The following LSAMP variants were observed in gnomAD, a reference collection of about 807,000 sequenced individuals.
LSAMP encodes limbic system-associated membrane protein.
A neutral mutation model predicts 38.6 loss-of-function variants in LSAMP; 7 were observed. The observed-to-expected ratio is 0.18, with a 90% CI of 0.10 to 0.34. The LOEUF (loss-of-function observed/expected upper bound fraction) is 0.34. Among genes scored for constraint, LSAMP ranks in the 10% least tolerant of loss-of-function variants. The probability of loss-of-function intolerance (pLI) is 1.00; values close to 1 mark genes in which losing one functional copy is unlikely to be tolerated. For synonymous variants in LSAMP, 154 were observed against 166.8 expected, an observed-to-expected ratio of 0.92 and a Z score of 0.59; for missense variants, 313 against 420.0, an observed-to-expected ratio of 0.75 and a Z score of 2.23.
At chr3:115,900,187 G>A (rs1383153248) in intron 3 of LSAMP, among the ~76,000 whole-genome samples, 1 of 152,072 alleles carries the variant, frequency 6.6e-6, no homozygotes, top group Non-Finnish European at 1.5e-5. Flanking sequence ...AAGAAACTGG[G>A]GCAGGACAAA....
chr3:115,876,322 G>A (rs1370745048), intron 3 of LSAMP, among the ~76,000 whole-genome samples: 1 of 136,984 alleles, frequency 7.3e-6, no homozygotes, highest in East Asian at 2.1e-4. Context: ...CCCTCAGTTT[G>A]CATAGGGATC....
chr3:116,186,299 C>T (rs1338025197), intron 1 of LSAMP, among the ~76,000 whole-genome samples: 1 of 152,094 alleles, frequency 6.6e-6, no homozygotes, highest in Admixed American at 6.6e-5. Flanking sequence ...TCATCTTGTC[C>T]CGACCAATGC....
intron 6 of LSAMP, among the ~76,000 whole-genome samples, chr3:115,822,568 C>T (rs531958670): frequency 1.3e-4 from 20 of 152,184 alleles, no homozygotes; most frequent in African/African-American, 4.6e-4. Flanking sequence ...CCATGTTGGT[C>T]AGGCTGGTCT....
intron 1 of LSAMP, among the ~76,000 whole-genome samples, chr3:116,317,509 C>A (rs1328556479): frequency 1.3e-5 from 2 of 152,010 alleles, no homozygotes. Context: ...GCGCCCGCCA[C>A]CACGTCTGGC....
chr3:116,204,343 T>C (rs1366653036), intron 1 of LSAMP, among the ~76,000 whole-genome samples: 2 of 152,206 alleles, frequency 1.3e-5, no homozygotes, highest in African/African-American at 2.4e-5. Context: ...TTCTCCCATT[T>C]TGTAGGTTGC....
rs1217995582 is a variant in LSAMP at position 116,174,290 on chromosome 3, C to A, written c.156-87734G>T. On this transcript the variant is annotated intron_variant, in intron 1 of 6. Transcript: ENST00000490035. ...TTATGTGAGCTGATCCCAAAATATT[C>A]TGCAAGCCATATTCTTGGGTATCAC... is the stretch of plus-strand genomic sequence containing the variant. 2.0e-5 allele frequency among the ~76,000 whole-genome samples: 3 copies of A among 151,954 alleles called. No homozygotes were observed. The South Asian group carries it at 6.2e-4, about 32-fold the overall frequency.
At chr3:116,181,539 C>A (rs760650801) in intron 1 of LSAMP, among the ~76,000 whole-genome samples, 5 of 151,962 alleles carry the variant, frequency 3.3e-5, no homozygotes, top group Non-Finnish European at 5.9e-5. Context: ...CCTAAGGAGG[C>A]ACATCATTCA....
chr3:115,831,053 GA>G (rs1189424460), intron 6 of LSAMP, among the ~76,000 whole-genome samples: 1 of 152,098 alleles, frequency 6.6e-6, no homozygotes, highest in Non-Finnish European at 1.5e-5. Context: ...TTTGTTTTCT[GA>G]AAAAGCTTTG....
chr3:116,078,143 T>G (rs1334415328), intron 2 of LSAMP, among the ~76,000 whole-genome samples: 3 of 152,176 alleles, frequency 2.0e-5, no homozygotes, highest in Admixed American at 1.3e-4. Flanking sequence ...CATTTCCACT[T>G]GCAAGTTTTA....
chr3:116,148,243 A>G (rs1475461282), intron 1 of LSAMP, among the ~76,000 whole-genome samples: 1 of 151,914 alleles, frequency 6.6e-6, no homozygotes, highest in Non-Finnish European at 1.5e-5. Context: ...TTCATTAATT[A>G]TTTATTCACA....
intron 1 of LSAMP, among the ~76,000 whole-genome samples, chr3:116,224,173 T>C (rs781638573): frequency 2.0e-5 from 3 of 152,194 alleles, no homozygotes; most frequent in Non-Finnish European, 4.4e-5. Flanking sequence ...GGCTGCCAGG[T>C]TAGCTGTTTC....
chr3:116,043,581 C>A (rs2107721307), intron 2 of LSAMP, among the ~76,000 whole-genome samples: 1 of 152,276 alleles, frequency 6.6e-6, no homozygotes, highest in African/African-American at 2.4e-5. Flanking sequence ...TAGCTTGCTG[C>A]TCTGTGAAGC....
intron 2 of LSAMP, among the ~76,000 whole-genome samples, chr3:116,080,560 G>A (rs1559734901): frequency 6.6e-6 from 1 of 152,204 alleles, no homozygotes; most frequent in Non-Finnish European, 1.5e-5. Flanking sequence ...AAGAATATCA[G>A]GTTAAAACTG....
intron 1 of LSAMP, among the ~76,000 whole-genome samples, chr3:116,399,475 C>T (rs2048811033): frequency 6.6e-6 from 1 of 152,090 alleles, no homozygotes; most frequent in Non-Finnish European, 1.5e-5. Flanking sequence ...TTGGCAGGGA[C>T]ACACTATAGA....
At chr3:116,035,994 G>A (rs538182722) in intron 2 of LSAMP, among the ~76,000 whole-genome samples, 138 of 152,278 alleles carry the variant, frequency 9.1e-4, no homozygotes, top group African/African-American at 3.1e-3. Context: ...TTGTCACAGC[G>A]ACTGTGGTGG....
intron 1 of LSAMP, among the ~76,000 whole-genome samples, chr3:116,366,035 A>AAAAAAAAAAAAAAAAAAAAAG (rs1273569949): frequency 1.4e-5 from 2 of 144,720 alleles, no homozygotes; most frequent in Non-Finnish European, 3.0e-5. Flanking sequence ...AAAAAAAAAA[A>AAAAAAAAAAAAAAAAAAAAAG]AAAAGAACTT....
intron 1 of LSAMP, among the ~76,000 whole-genome samples, chr3:116,266,288 A>T (rs1213050390): frequency 6.6e-6 from 1 of 152,172 alleles, no homozygotes; most frequent in African/African-American, 2.4e-5. Flanking sequence ...TGCTTTAGTG[A>T]CAAGACATGG....
At chr3:116,140,913 A>C (rs1709354748) in intron 1 of LSAMP, among the ~76,000 whole-genome samples, 1 of 151,980 alleles carries the variant, frequency 6.6e-6, no homozygotes, top group Admixed American at 6.6e-5. Context: ...AAGAGGGAGA[A>C]GGATAAAAGA....
intron 1 of LSAMP, among the ~76,000 whole-genome samples, chr3:116,279,270 T>C (rs190620820): frequency 9.3e-4 from 141 of 152,334 alleles, no homozygotes; most frequent in Non-Finnish European, 9.0e-4. Flanking sequence ...AGTTCCTCTT[T>C]AGAGGAGAAA....
Sources: gnomAD v4.1 joint callset for allele counts (sites outside exome capture counted in the v4.1 genomes callset) on GRCh38, gnomAD v4.1.1 for gene constraint, MANE v1.5 for transcripts, NCBI Gene and HGNC (gene_info 2026-07-23, HGNC 2026-07-21) for gene names.